GRIK4: variants seen among roughly 807,000 people sequenced by gnomAD.
GRIK4 encodes glutamate ionotropic receptor kainate type subunit 4, also known as glutamate receptor ionotropic, kainate 4.
A neutral mutation model predicts 104.9 loss-of-function variants in GRIK4; 40 were observed. That is an observed-to-expected ratio of 0.38 (90% CI 0.30 to 0.50). The LOEUF (loss-of-function observed/expected upper bound fraction) is 0.50, where lower values mean the gene tolerates loss of function less well. GRIK4 is among the 20% of genes least tolerant of loss of function. The pLI is 0.93. For synonymous variants in GRIK4, 485 were observed against 524.9 expected (o/e 0.92, Z 1.04); for missense variants, 1,047 against 1,308.1 (o/e 0.80, Z 3.08).
chr11:120,740,877 A>G (rs1951315629), intron 3 of GRIK4, among the ~76,000 whole-genome samples: 1 of 152,134 alleles, frequency 6.6e-6, no homozygotes, highest in African/African-American at 2.4e-5. Flanking sequence ...TCACCTTACC[A>G]TAGAGACGAG....
intron 13 of GRIK4, among the ~76,000 whole-genome samples, chr11:120,908,462 G>C (rs4993635): frequency 0.035 from 5,302 of 150,248 alleles, 146 homozygotes; most frequent in African/African-American, 0.077. Flanking sequence ...CACACACACA[G>C]AGAGATTGAG....
chr11:120,976,534 A>G (rs878923403), intron 19 of GRIK4, among the ~76,000 whole-genome samples: 2 of 152,322 alleles, frequency 1.3e-5, no homozygotes, highest in Middle Eastern at 3.4e-3. Flanking sequence ...TTGCATGGCT[A>G]TAGGTGAATA....
intron 19 of GRIK4, among the ~76,000 whole-genome samples, chr11:120,979,296 G>C (rs901612435): frequency 6.6e-6 from 1 of 151,980 alleles, no homozygotes; most frequent in African/African-American, 2.4e-5. Context: ...ATAATTTTTT[G>C]ATTAGATTTT....
At chr11:120,716,015 C>T (rs1433933219) in intron 3 of GRIK4, among the ~76,000 whole-genome samples, 1 of 152,146 alleles carries the variant, frequency 6.6e-6, no homozygotes, top group Admixed American at 6.5e-5. Flanking sequence ...GGCATGTGGG[C>T]AGTGGGGGAA....
In GRIK4 at chr11:120,905,526, GTGGGCT is replaced by G; in HGVS notation, c.1476+34_1476+39del. On this transcript the variant is annotated intron_variant, in intron 13 of 20. Transcript: ENST00000527524. The surrounding 1 kb of genome is among the most constrained non-coding windows in gnomAD (Gnocchi z 5.1). ...GAGGACAAGTGATCTGGGCCTGAGG[GTGGGCT>G]GGGAGGGATTGGAAGAGCATGAGGT... is the stretch of plus-strand genomic sequence containing the variant. 8.8e-7 allele frequency: 1 copy of G among 1,133,070 alleles called. No homozygotes were observed. Among genetic ancestry groups the G allele is most frequent in the Non-Finnish European group, 1.3e-6 (1 of 754,618 alleles). The allele number at this position is 1,133,070 out of a possible 1,614,324, so 70.2% of individuals were successfully genotyped here.
At chr11:120,589,141 C>A (rs894986300) in intron 1 of GRIK4, among the ~76,000 whole-genome samples, 63 of 152,114 alleles carry the variant, frequency 4.1e-4, no homozygotes, top group African/African-American at 9.7e-5. Context: ...TGACATGCAC[C>A]AAGCAGGCCA....
intron 1 of GRIK4, among the ~76,000 whole-genome samples, chr11:120,646,320 G>T (rs895503831): frequency 1.3e-5 from 2 of 152,246 alleles, no homozygotes; most frequent in African/African-American, 2.4e-5. Context: ...GGGAAACTGA[G>T]GTTTTGAGAG....
intron 1 of GRIK4, among the ~76,000 whole-genome samples, chr11:120,572,769 G>C (rs1948417913): frequency 1.3e-5 from 2 of 152,170 alleles, no homozygotes; most frequent in South Asian, 4.1e-4. Context: ...TCCCAGAACT[G>C]CTAAAGGGAA....
In GRIK4 at chr11:120,549,951, A is replaced by C. The variant is rs983397224; in HGVS notation, c.-159+38064A>C. Among the ~76,000 whole-genome samples the C allele has an allele frequency of 6.6e-6, 1 of 152,206 alleles. No individual in the cohort carries two copies. Among genetic ancestry groups the C allele is most frequent in the African/African-American group, 2.4e-5 (1 of 41,452 alleles). The stretch of plus-strand genomic sequence containing the variant: ...TAAATTACTCTTTATCATTTAAGGC[A>C]GTTTGAGTTGCGTTTTCTGTCACTT... On this transcript the variant is annotated intron_variant, in intron 1 of 20. Transcript: ENST00000527524. This position sits in a 1 kb window ranked among gnomAD's most constrained non-coding sequence, Gnocchi z 4.7.
intron 3 of GRIK4, among the ~76,000 whole-genome samples, chr11:120,711,977 G>T (rs1950742735): frequency 7.2e-6 from 1 of 138,942 alleles, no homozygotes; most frequent in Non-Finnish European, 1.5e-5. Context: ...CTCAGGAAAT[G>T]ATTATTATAC....
At chr11:120,669,149 G>T (rs969176715) in intron 3 of GRIK4, among the ~76,000 whole-genome samples, 1 of 152,308 alleles carries the variant, frequency 6.6e-6, no homozygotes, top group South Asian at 2.1e-4. Flanking sequence ...CTTCCAAAGC[G>T]TGGGTGTGTG....
At chr11:120,646,595 T>A (rs1195242001) in intron 1 of GRIK4, among the ~76,000 whole-genome samples, 1 of 152,200 alleles carries the variant, frequency 6.6e-6, no homozygotes, top group Non-Finnish European at 1.5e-5. Flanking sequence ...CTCTGTAGGT[T>A]CACTTTTATT....
At chr11:120,848,823 C>T (rs1455402844) in intron 8 of GRIK4, among the ~76,000 whole-genome samples, 1 of 152,092 alleles carries the variant, frequency 6.6e-6, no homozygotes, top group African/African-American at 2.4e-5. Context: ...CTGGGCCTTT[C>T]AGTGAGATCT....
In GRIK4 at chr11:120,964,871, T is replaced by C. The variant is rs574781955; in HGVS notation, c.2266+2190T>C. ...AAGGTCACAGAATAGGTAGAGAAGCTGGGTGTGAGCCTAGGATGCTTGTCT... is the reference window on the plus strand; with the variant it reads ...AAGGTCACAGAATAGGTAGAGAAGCCGGGTGTGAGCCTAGGATGCTTGTCT... On this transcript the variant is annotated intron_variant, in intron 18 of 20. Transcript: ENST00000527524. Among the ~76,000 whole-genome samples, 13 of 152,312 alleles carry C rather than the reference T, an allele frequency of 8.5e-5. 1 individual carries two copies. The South Asian group carries it at 2.3e-3, about 27-fold the overall frequency.
intron 3 of GRIK4, among the ~76,000 whole-genome samples, chr11:120,707,829 A>T (rs530599281): frequency 6.6e-6 from 1 of 152,222 alleles, no homozygotes; most frequent in African/African-American, 2.4e-5. Flanking sequence ...TCCTCTCCAC[A>T]TGGACTGCTG....
At chr11:120,663,372 G>A (rs745911590) in intron 3 of GRIK4, among the ~76,000 whole-genome samples, 2 of 152,192 alleles carry the variant, frequency 1.3e-5, no homozygotes, top group East Asian at 1.9e-4. Context: ...GGCCTGGCTG[G>A]TGGCAGCTGA....
At chr11:120,897,271 T>C (rs771999141) in intron 11 of GRIK4, among the ~76,000 whole-genome samples, 1 of 152,150 alleles carries the variant, frequency 6.6e-6, no homozygotes, top group African/African-American at 2.4e-5. Context: ...GTGGATTTTT[T>C]TCACCTGGAG....
chr11:120,948,164 A>G (rs1943908727), intron 14 of GRIK4, among the ~76,000 whole-genome samples: 2 of 152,172 alleles, frequency 1.3e-5, no homozygotes, highest in South Asian at 4.1e-4. Context: ...GGAGTCTTGG[A>G]GACACTGCGT....
chr11:120,986,473 CA>C lies in GRIK4; in HGVS notation c.*216del, dbSNP rs1265964375. ...AGGGTCCACCCGGAAACGTTGCACC[CA>C]AAGGGCAAAGGACGGCCCTCCCTCC... On this transcript the variant is annotated 3_prime_UTR_variant, in exon 21 of 21. Coordinates refer to ENST00000527524, the MANE Select transcript of GRIK4 (RefSeq NM_014619.5). The C allele has an allele frequency of 1.6e-6, 1 of 607,286 alleles. No individual in the cohort carries two copies. Among genetic ancestry groups the C allele is most frequent in the East Asian group, 3.5e-5 (1 of 28,212 alleles). 37.6% of individuals were successfully genotyped at this position (607,286 alleles called of 1,614,324 possible). A position where few individuals can be genotyped will look rare whatever the true frequency, so the allele number is the denominator to read the frequency against.
Sources: gnomAD v4.1 joint callset for allele counts (sites outside exome capture counted in the v4.1 genomes callset) on GRCh38, gnomAD v4.1.1 for gene constraint, Gnocchi (gnomAD v3.1) non-coding constraint, MANE v1.5 for transcripts, NCBI Gene and HGNC (gene_info 2026-07-23, HGNC 2026-07-21) for gene names.